Variants in FOXO1 observed in about 807,000 individuals in gnomAD.
FOXO1 encodes the protein forkhead box O1, also known as forkhead box protein O1.
In FOXO1, 6 loss-of-function variants were observed where a neutral mutation model predicts 44.1. The observed-to-expected ratio is 0.14, with a 90% CI of 0.07 to 0.27. The LOEUF (loss-of-function observed/expected upper bound fraction) is 0.27. Among genes scored for constraint, FOXO1 ranks in the 10% least tolerant of loss-of-function variants. The pLI is 1.00. For missense variants in FOXO1, 737 were observed against 888.8 expected, an observed-to-expected ratio of 0.83 and a Z score of 2.17; for synonymous variants, 380 against 362.7, an observed-to-expected ratio of 1.05 and a Z score of -0.54.
At chr13:40,639,193 C>G (rs1428229935) in intron 1 of FOXO1, among the ~76,000 whole-genome samples, 1 of 151,702 alleles carries the variant, frequency 6.6e-6, no homozygotes, top group East Asian at 1.9e-4. Flanking sequence ...GAGGGAAACT[C>G]TGTCTTTAAA....
chr13:40,630,613 C>T (rs899503012), intron 1 of FOXO1, among the ~76,000 whole-genome samples: 17 of 151,830 alleles, frequency 1.1e-4, no homozygotes, highest in African/African-American at 3.9e-4. Context: ...CGAGATCGCG[C>T]CACTGCACTC....
At chr13:40,659,132 T>C (rs1405865546) in intron 1 of FOXO1, among the ~76,000 whole-genome samples, 3 of 151,810 alleles carry the variant, frequency 2.0e-5, no homozygotes, top group Admixed American at 2.0e-4. Context: ...CTGACCAACA[T>C]GGTGAAACCC....
At chr13:40,591,303 G>C (rs754181189) in intron 1 of FOXO1, among the ~76,000 whole-genome samples, 4 of 152,178 alleles carry the variant, frequency 2.6e-5, no homozygotes, top group Non-Finnish European at 5.9e-5. Context: ...TAGCCGGGTG[G>C]CTCCCACGTT....
At chr13:40,656,204 G>C (rs889666606) in intron 1 of FOXO1, among the ~76,000 whole-genome samples, 9 of 152,110 alleles carry the variant, frequency 5.9e-5, no homozygotes, top group Non-Finnish European at 1.0e-4. Flanking sequence ...TCTTGCATTT[G>C]GGTTAGTGGG....
chr13:40,645,886 G>C (rs960245684), intron 1 of FOXO1, among the ~76,000 whole-genome samples: 2 of 152,058 alleles, frequency 1.3e-5, no homozygotes, highest in African/African-American at 4.8e-5. Flanking sequence ...GACAAACATG[G>C]AGAAATCCTG....
intron 1 of FOXO1, among the ~76,000 whole-genome samples, chr13:40,605,878 C>G (rs1161325356): frequency 6.6e-6 from 1 of 152,032 alleles, no homozygotes; most frequent in East Asian, 1.9e-4. Flanking sequence ...CTAAGAGATA[C>G]CTCTTATCAG....
At position 40,632,311 on chromosome 13, in the gene FOXO1, T is replaced by C. The variant is rs191789978; in HGVS notation, c.630+33272A>G. Among the ~76,000 whole-genome samples the C allele has an allele frequency of 5.0e-3, 755 of 152,310 alleles. 8 individuals are homozygous for C. The highest frequency in any genetic ancestry group is 9.0e-3 in the Non-Finnish European group (615 of 68,022). ...AAACCCCACAGAATGGGAGCAATTA[T>C]TTGTAAATCATATATATAAGGGATT... On this transcript the variant is annotated intron_variant, in intron 1 of 2. Transcript: ENST00000379561.
rs535319581 is a variant in FOXO1 at position 40,632,954 on chromosome 13, C to T, written c.630+32629G>A. On this transcript the variant is annotated intron_variant, in intron 1 of 2. Coordinates refer to ENST00000379561, the MANE Select transcript of FOXO1 (RefSeq NM_002015.4). ...AAAAGAAAAAAAAAGGGCGAAGGAT[C>T]TGAGTAGATATCTCTCCAAAGAAGA... 2.0e-5 allele frequency among the ~76,000 whole-genome samples: 3 copies of T among 150,460 alleles called. No individual in the cohort carries two copies. The South Asian group carries it at 6.3e-4, about 32-fold the overall frequency.
chr13:40,629,761 C>T (rs1432813878), intron 1 of FOXO1, among the ~76,000 whole-genome samples: 1 of 152,170 alleles, frequency 6.6e-6, no homozygotes, highest in African/African-American at 2.4e-5. Flanking sequence ...ACCAATGGCC[C>T]TTGCTTCACA....
Position 40,598,074 on chromosome 13 carries a change from G to A in FOXO1, c.631-37214C>T, listed in dbSNP as rs572962888. 4.6e-5 allele frequency among the ~76,000 whole-genome samples: 7 copies of A among 152,254 alleles called. No individual in the cohort carries two copies. The South Asian group carries it at 1.0e-3, about 23-fold the overall frequency. On this transcript the variant is annotated intron_variant, in intron 1 of 2. Transcript: ENST00000379561. ...AAATCATAGGCTAACAGAGGTTGAA[G>A]ACTGACAGGGAATAAAATCCTCTAC... is the stretch of plus-strand genomic sequence containing the variant.
At position 40,559,642 on chromosome 13, in the gene FOXO1, T is replaced by C. The variant is rs1445159458; in HGVS notation, c.1849A>G (p.Ile617Val). The change falls in exon 2 of 3, where the codon ATC becomes GTC. Residue 617 changes from isoleucine to valine, a missense_variant. Transcript: ENST00000379561. ...CCATCCATGAGGTCATTCCGAATGA[T>C]GGATTCCATGTCACAGTCTAAGCGC... ...IERLDCDMES[I>V]IRNDLMDGDT... 6.2e-7 allele frequency: 1 copy of C among 1,614,118 alleles called. No homozygotes were observed. The highest frequency in any genetic ancestry group is 8.5e-7 in the Non-Finnish European group (1 of 1,180,048).
intron 1 of FOXO1, among the ~76,000 whole-genome samples, chr13:40,651,611 TATC>T (rs1467412269): frequency 3.9e-5 from 6 of 152,024 alleles, no homozygotes; most frequent in African/African-American, 7.2e-5. Flanking sequence ...AATAGTGTTT[TATC>T]ATCATCAGAA....
chr13:40,659,549 T>A (rs1458880327), intron 1 of FOXO1, among the ~76,000 whole-genome samples: 3 of 151,856 alleles, frequency 2.0e-5, no homozygotes, highest in East Asian at 1.9e-4. Context: ...TAAGTGAAGG[T>A]AAAAATTCAC....
At chr13:40,615,754 C>T (rs1203120608) in intron 1 of FOXO1, among the ~76,000 whole-genome samples, 1 of 152,046 alleles carries the variant, frequency 6.6e-6, no homozygotes, top group Non-Finnish European at 1.5e-5. Context: ...GGGATGGTGC[C>T]AAAGCCCCGA....
intron 1 of FOXO1, among the ~76,000 whole-genome samples, chr13:40,654,361 G>T (rs1877786625): frequency 1.5e-5 from 2 of 134,750 alleles, no homozygotes; most frequent in Non-Finnish European, 3.1e-5. Context: ...AATTAGCCAG[G>T]CGTGGTGGTG....
At chr13:40,646,960 G>C (rs1877531966) in intron 1 of FOXO1, among the ~76,000 whole-genome samples, 1 of 152,172 alleles carries the variant, frequency 6.6e-6, no homozygotes, top group Non-Finnish European at 1.5e-5. Flanking sequence ...TATGACTGTA[G>C]GAGATCAGAA....
intron 1 of FOXO1, among the ~76,000 whole-genome samples, chr13:40,590,880 AACG>A (rs1360728749): frequency 1.3e-5 from 2 of 152,192 alleles, no homozygotes; most frequent in East Asian, 3.8e-4. Flanking sequence ...TGTTTCACTT[AACG>A]CTACACTTTA....
chr13:40,633,530 A>G (rs888757778), intron 1 of FOXO1, among the ~76,000 whole-genome samples: 1 of 152,242 alleles, frequency 6.6e-6, no homozygotes, highest in Admixed American at 6.5e-5. Context: ...GAGATCACAT[A>G]TTGTAAAATG....
At chr13:40,585,343 G>GCACACACACA (rs1555248752) in intron 1 of FOXO1, among the ~76,000 whole-genome samples, 6,792 of 147,040 alleles carry the variant, frequency 0.046, 248 homozygotes, top group East Asian at 0.21. Context: ...CTGCGCGCGC[G>GCACACACACA]CACACACACA....
Sources: allele counts gnomAD v4.1 joint callset (sites outside exome capture counted in the v4.1 genomes callset), GRCh38; gene constraint gnomAD v4.1.1; transcripts MANE v1.5; gene names NCBI Gene and HGNC (gene_info 2026-07-23, HGNC 2026-07-21).